The following MYB variants were observed in gnomAD, a reference collection of about 807,000 sequenced individuals.
The protein encoded by MYB is transcriptional activator Myb.
Under a neutral mutation model 92.9 loss-of-function variants are expected in MYB, and 28 were observed. The ratio of observed to expected loss-of-function variants is 0.30; its 90% CI spans 0.22 to 0.41. The LOEUF is 0.41. Ranked by LOEUF, MYB falls within the 10% of genes least tolerant of loss-of-function variation. The probability of loss-of-function intolerance (pLI) is 1.00; values close to 1 mark genes in which losing one functional copy is unlikely to be tolerated. For synonymous variants in MYB, 295 were observed against 329.1 expected (o/e 0.90, Z 1.12); for missense variants, 679 against 929.3 (o/e 0.73, Z 3.50).
At chr6:135,206,451 A>T (rs1778947675) in intron 15 of MYB, among the ~76,000 whole-genome samples, 1 of 151,942 alleles carries the variant, frequency 6.6e-6, no homozygotes. Flanking sequence ...TAATCCCAGC[A>T]CTTTGGGAGG....
At chr6:135,209,558 C>T (rs1034585515) in intron 15 of MYB, among the ~76,000 whole-genome samples, 26 of 152,266 alleles carry the variant, frequency 1.7e-4, no homozygotes, top group South Asian at 4.1e-4. Flanking sequence ...TTTAATAATC[C>T]AGAGCTCTCC....
intron 3 of MYB, among the ~76,000 whole-genome samples, chr6:135,188,869 A>C (rs1776292605): frequency 6.6e-6 from 1 of 152,158 alleles, no homozygotes; most frequent in Admixed American, 6.5e-5. Flanking sequence ...CCTAAAATGC[A>C]GCTGTACCTT....
chr6:135,183,807 A>G (rs1320068796), intron 1 of MYB, among the ~76,000 whole-genome samples: 2 of 152,206 alleles, frequency 1.3e-5, no homozygotes, highest in Non-Finnish European at 2.9e-5. Context: ...CTCTGTGCTT[A>G]GCTTTTAAGA....
rs777137022 is a variant in MYB at position 135,198,946 on chromosome 6, G to C, written c.1605G>C (p.Leu535Phe). 1.2e-6 allele frequency: 2 copies of C among 1,610,976 alleles called. No homozygotes were observed. Among genetic ancestry groups the C allele is most frequent in the Non-Finnish European group, 8.5e-7 (1 of 1,177,650 alleles). Residue 535 changes from leucine (L) to phenylalanine (F), a missense_variant, in exon 11 of 16, where the codon TTG (leucine) becomes TTC (phenylalanine). By Grantham distance (22) the Leu-to-Phe change is conservative. Around this residue, in one of 8 missense-constraint regions of MYB, gnomAD observed 402 missense variants for 434.2 expected, o/e 0.93. Transcript: ENST00000341911. ...NTSSNHENSD[L>F]EMPSLTSTPL... The stretch of plus-strand genomic sequence containing the variant: ...CCAGTAACCATGAAAACTCAGACTT[G>C]GAAATGCCTTCTTTAACTTCCACCC...
At position 135,190,035 on chromosome 6, in the gene MYB, A is replaced by G; in HGVS notation, c.307-92A>G. On this transcript the variant is annotated intron_variant, in intron 4 of 15. Coordinates refer to ENST00000341911, the MANE Select transcript of MYB (RefSeq NM_001130173.2). This position sits in a 1 kb window ranked among gnomAD's most constrained non-coding sequence, Gnocchi z 4.5. ...CAGTGAATGAAAGCAAATTTTGGAA[A>G]TTTTCTAAAGATCTTGTAACACTGA... The G allele has an allele frequency of 4.0e-6, 6 of 1,501,702 alleles. No individual in the cohort carries two copies. The highest frequency in any genetic ancestry group is 5.4e-6 in the Non-Finnish European group (6 of 1,106,446). 93.0% of individuals were successfully genotyped at this position (1,501,702 alleles called of 1,614,324 possible).
At position 135,203,381 on chromosome 6, in the gene MYB, T is replaced by C. The variant is rs770479933; in HGVS notation, c.2169+57T>C. ...ATTCATTCACTGAAAAACTGTCATCTTTGGTGGTGGTGGTGGTGGTGGTGA... is the reference window on the plus strand; with the variant it reads ...ATTCATTCACTGAAAAACTGTCATCCTTGGTGGTGGTGGTGGTGGTGGTGA... On this transcript the variant is annotated intron_variant, in intron 15 of 15. Coordinates refer to ENST00000341911, the MANE Select transcript of MYB (RefSeq NM_001130173.2). 30 of 1,354,342 alleles carry C rather than the reference T, an allele frequency of 2.2e-5. No individual in the cohort carries two copies. The African/African-American group carries it at 5.4e-4, about 24-fold the overall frequency. 83.9% of individuals were successfully genotyped at this position (1,354,342 alleles called of 1,614,324 possible).
chr6:135,216,741 G>T (rs767162805), intron 15 of MYB, among the ~76,000 whole-genome samples: 1 of 152,114 alleles, frequency 6.6e-6, no homozygotes, highest in Non-Finnish European at 1.5e-5. Flanking sequence ...AAACTCTGTT[G>T]TCTTGTATTT....
rs1776733182 is a variant in MYB at position 135,192,337 on chromosome 6, A to G, written c.541A>G (p.Ile181Val). Residue 181 changes from isoleucine (I) to valine (V), a missense_variant, in exon 6 of 16, where the codon ATC (isoleucine) becomes GTC (valine). Physicochemically the swap from Ile to Val is conservative, Grantham distance 29. This residue lies in a region of MYB where 37 missense variants were observed against 98.0 expected (regional missense o/e 0.38). Coordinates refer to ENST00000341911, the MANE Select transcript of MYB (RefSeq NM_001130173.2). ...ATTTCTGTGCAGAACTGATAATGCT[A>G]TCAAGAACCACTGGAATTCTACAAT... is the stretch of plus-strand genomic sequence containing the variant. ...KLLPGRTDNA[I>V]KNHWNSTMRR... The G allele has an allele frequency of 3.1e-6, 5 of 1,614,056 alleles. No individual in the cohort carries two copies. Among genetic ancestry groups the G allele is most frequent in the Non-Finnish European group, 3.4e-6 (4 of 1,179,854 alleles).
intron 2 of MYB, among the ~76,000 whole-genome samples, chr6:135,186,842 T>A (rs1470769378): frequency 2.0e-5 from 3 of 152,244 alleles, no homozygotes; most frequent in Non-Finnish European, 4.4e-5. Flanking sequence ...TTCTTAAAAT[T>A]TTTGCAACTA....
At chr6:135,214,388 GT>G (rs1169309817) in intron 15 of MYB, among the ~76,000 whole-genome samples, 2 of 152,058 alleles carry the variant, frequency 1.3e-5, no homozygotes, top group African/African-American at 4.8e-5. Context: ...CTTAGCTAGA[GT>G]AAAACAGAAG....
chr6:135,188,492 CT>C (rs528623055), intron 3 of MYB, among the ~76,000 whole-genome samples: 3,036 of 133,702 alleles, frequency 0.023, 48 homozygotes, highest in African/African-American at 0.059. Context: ...ATTTTTCTTT[CT>C]TTTTTTTTTT....
In MYB at chr6:135,201,681, C is replaced by G. The variant is rs1326542787; in HGVS notation, c.1993C>G (p.His665Asp). 1 of 1,600,934 alleles carries G rather than the reference C, an allele frequency of 6.2e-7. No homozygotes were observed. The highest frequency in any genetic ancestry group is 1.7e-5 in the Admixed American group (1 of 58,870). The change falls in exon 14 of 16, where the codon CAC becomes GAC. Residue 665 changes from histidine to aspartate, a missense_variant. Around this residue, in one of 8 missense-constraint regions of MYB, gnomAD observed 402 missense variants for 434.2 expected, o/e 0.93. Transcript: ENST00000341911. ...TAAATCAGGAAACTTCTTCTGCTCA[C>G]ACCACTGGGAAGGGGACAGTCTGAA... ...TDKSGNFFCS[H>D]HWEGDSLNTQ...
At position 135,192,395 on chromosome 6, in the gene MYB, A is replaced by T. The variant is rs1264962110; in HGVS notation, c.599A>T (p.Gln200Leu). The T allele has an allele frequency of 1.9e-6, 3 of 1,614,250 alleles. No homozygotes were observed. In the East Asian group the frequency reaches 6.7e-5, roughly 36 times the overall value. ...AAGGTCGAACAGGAAGGTTATCTGC[A>T]GGAGTCTTCAAAAGCCAGCCAGCCA... is the stretch of plus-strand genomic sequence containing the variant. ...RRKVEQEGYL[Q>L]ESSKASQPAV... Residue 200 changes from glutamine (Q) to leucine (L), a missense_variant, in exon 6 of 16, where the codon CAG (glutamine) becomes CTG (leucine). Gln to Leu is a moderately radical substitution (Grantham distance 113). Around this residue, in one of 8 missense-constraint regions of MYB, gnomAD observed 37 missense variants for 98.0 expected, o/e 0.38. Coordinates refer to ENST00000341911, the MANE Select transcript of MYB (RefSeq NM_001130173.2).
chr6:135,217,794 C>CTGG, intron 15 of MYB, 70 bp from the exon 16 acceptor site: 1 of 1,067,832 alleles, frequency 9.4e-7, no homozygotes, highest in Non-Finnish European at 1.5e-6. Flanking sequence ...TTGGTCAGTG[C>CTGG]TGGCCCTGCT....
chr6:135,206,225 A>AAATAATAATAATAAT (rs1269845019), intron 15 of MYB, among the ~76,000 whole-genome samples: 2 of 96,644 alleles, frequency 2.1e-5, no homozygotes, highest in African/African-American at 8.3e-5. Flanking sequence ...AAAAAAAAAA[A>AAATAATAATAATAAT]AATAATAATA....
At chr6:135,196,476 A>G (rs12663543) in intron 9 of MYB, among the ~76,000 whole-genome samples, 23,649 of 152,176 alleles carry the variant, frequency 0.16, 2,164 homozygotes, top group African/African-American at 0.25. Flanking sequence ...TATTTGAAGT[A>G]ATAATCAGCT....
intron 15 of MYB, among the ~76,000 whole-genome samples, chr6:135,211,124 T>C (rs2128317665): frequency 6.6e-6 from 1 of 150,586 alleles, no homozygotes; most frequent in African/African-American, 2.5e-5. Context: ...CTGTTCGTGT[T>C]GTCATTTAAA....
Position 135,182,928 on chromosome 6 carries a change from G to A in MYB, c.23+1392G>A, listed in dbSNP as rs1181489241. Among the ~76,000 whole-genome samples, 2 of 152,014 alleles carry A rather than the reference G, an allele frequency of 1.3e-5. No individual in the cohort carries two copies. Among genetic ancestry groups the A allele is most frequent in the African/African-American group, 4.8e-5 (2 of 41,400 alleles). On this transcript the variant is annotated intron_variant, in intron 1 of 15. Transcript: ENST00000341911. The surrounding 1 kb of genome is among the most constrained non-coding windows in gnomAD (Gnocchi z 5.6). The stretch of plus-strand genomic sequence containing the variant: ...CCTATGCCTACTCCGGAGCCTGGCC[G>A]CGCAGGACGGTGTGCTGCCCCTCGA...
rs1184521611 is a variant in MYB, at chr6:135,218,205, G to A, written c.*225G>A. The A allele has an allele frequency of 1.6e-5, 7 of 441,344 alleles. No homozygotes were observed. Among genetic ancestry groups the A allele is most frequent in the African/African-American group, 6.3e-5 (3 of 47,952 alleles). 27.3% of individuals were successfully genotyped at this position (441,344 alleles called of 1,614,324 possible). A position where few individuals can be genotyped will look rare whatever the true frequency, so the allele number is the denominator to read the frequency against. On this transcript the variant is annotated 3_prime_UTR_variant, in exon 16 of 16. Coordinates refer to ENST00000341911, the MANE Select transcript of MYB (RefSeq NM_001130173.2). Reference sequence around the variant, plus strand: ...ATAACAGTCTTACCTAAATTATTAGGTAATGAATTGTAGCCAGTTGTTAAT... The same window carrying A: ...ATAACAGTCTTACCTAAATTATTAGATAATGAATTGTAGCCAGTTGTTAAT...
Sources: gnomAD v4.1 joint callset for allele counts (sites outside exome capture counted in the v4.1 genomes callset) on GRCh38, gnomAD v4.1.1 for gene constraint, gnomAD v4.1.1 regional missense constraint, Gnocchi (gnomAD v3.1) non-coding constraint, MANE v1.5 for transcripts, NCBI Gene and HGNC (gene_info 2026-07-23, HGNC 2026-07-21) for gene names.